GRIN2A: variants seen among roughly 807,000 people sequenced by gnomAD.
GRIN2A encodes the protein glutamate ionotropic receptor NMDA type subunit 2A.
Under a neutral mutation model 113.4 loss-of-function variants are expected in GRIN2A, and 22 were observed. The observed-to-expected ratio is 0.19, with a 90% CI of 0.14 to 0.28. The LOEUF is 0.28. Ranked by LOEUF, GRIN2A falls within the 10% of genes least tolerant of loss-of-function variation. GRIN2A has a pLI of 1.00. For missense variants in GRIN2A, 1,502 were observed against 1,887.0 expected (o/e 0.80, Z 3.78); for synonymous variants, 827 against 738.4 (o/e 1.12, Z -1.94).
chr16:10,136,394 G>C (rs1423009319), intron 2 of GRIN2A, among the ~76,000 whole-genome samples: 2 of 152,102 alleles, frequency 1.3e-5, no homozygotes, highest in African/African-American at 4.8e-5. Context: ...TTGCAACTAG[G>C]TGCTAATGAA....
intron 10 of GRIN2A, among the ~76,000 whole-genome samples, chr16:9,810,190 C>T (rs1041795117): frequency 5.9e-5 from 9 of 152,146 alleles, no homozygotes; most frequent in East Asian, 1.9e-4. Context: ...GGAGTTCACA[C>T]GCAAGAATCC....
intron 2 of GRIN2A, among the ~76,000 whole-genome samples, chr16:10,090,923 A>T (rs535153164): frequency 6.6e-6 from 1 of 152,206 alleles, no homozygotes; most frequent in Non-Finnish European, 1.5e-5. Flanking sequence ...ACACATGGCC[A>T]ATAAGAAATG....
At chr16:9,839,360 T>C (rs1016459944) in intron 7 of GRIN2A, among the ~76,000 whole-genome samples, 8 of 151,688 alleles carry the variant, frequency 5.3e-5, no homozygotes, top group Non-Finnish European at 1.0e-4. Context: ...ATAGAAAACA[T>C]AGCTCTTCCT....
intron 11 of GRIN2A, among the ~76,000 whole-genome samples, chr16:9,783,627 CA>C (rs1308060852): frequency 6.6e-6 from 1 of 152,122 alleles, no homozygotes; most frequent in Non-Finnish European, 1.5e-5. Flanking sequence ...TCACAATCAC[CA>C]AGGGCTCTGT....
chr16:9,919,888 G>T (rs969711267), intron 3 of GRIN2A, among the ~76,000 whole-genome samples: 2 of 152,094 alleles, frequency 1.3e-5, no homozygotes, highest in African/African-American at 4.8e-5. Flanking sequence ...AATCCAAAAC[G>T]CTCTTTCCTC....
chr16:9,768,533 C>G (rs1901059149), intron 12 of GRIN2A, among the ~76,000 whole-genome samples: 1 of 152,144 alleles, frequency 6.6e-6, no homozygotes. Flanking sequence ...AGGTAAACAT[C>G]ATGCAATTGG....
intron 2 of GRIN2A, among the ~76,000 whole-genome samples, chr16:10,049,957 T>C (rs1252767479): frequency 6.6e-6 from 1 of 152,172 alleles, no homozygotes; most frequent in Non-Finnish European, 1.5e-5. Flanking sequence ...ATCACTCCCA[T>C]ATTTATACTC....
intron 2 of GRIN2A, among the ~76,000 whole-genome samples, chr16:10,173,189 C>T (rs542730882): frequency 6.6e-6 from 1 of 152,298 alleles, no homozygotes; most frequent in Non-Finnish European, 1.5e-5. Context: ...GATAGGTCTC[C>T]CCACTCTCCC....
chr16:9,937,586 T>C (rs948149567), intron 3 of GRIN2A: 9 of 262,672 alleles, frequency 3.4e-5, no homozygotes, highest in African/African-American at 1.8e-4. Context: ...CATGATATCA[T>C]AGTGAAGAAT....
intron 11 of GRIN2A, among the ~76,000 whole-genome samples, chr16:9,772,732 C>T (rs1901347135): frequency 6.6e-6 from 1 of 152,072 alleles, no homozygotes; most frequent in Non-Finnish European, 1.5e-5. Context: ...TCATCAGATT[C>T]CCAGAACATC....
intron 3 of GRIN2A, among the ~76,000 whole-genome samples, chr16:9,911,614 T>C (rs1051170831): frequency 1.3e-5 from 2 of 152,140 alleles, no homozygotes; most frequent in African/African-American, 4.8e-5. Flanking sequence ...CTCATTAATA[T>C]TAGCCCATGA....
intron 2 of GRIN2A, among the ~76,000 whole-genome samples, chr16:9,996,787 T>C (rs1363091236): frequency 6.6e-6 from 1 of 152,168 alleles, no homozygotes; most frequent in Non-Finnish European, 1.5e-5. Flanking sequence ...TTCTCAATGA[T>C]GGAGAGATGA....
chr16:10,014,799 G>C (rs1410728106), intron 2 of GRIN2A, among the ~76,000 whole-genome samples: 1 of 152,188 alleles, frequency 6.6e-6, no homozygotes, highest in African/African-American at 2.4e-5. Context: ...TGAACAAAGA[G>C]ACTTATGCAG....
At chr16:9,891,645 C>G (rs1345997488) in intron 3 of GRIN2A, among the ~76,000 whole-genome samples, 1 of 152,054 alleles carries the variant, frequency 6.6e-6, no homozygotes, top group East Asian at 1.9e-4. Flanking sequence ...ACAAATGATA[C>G]AAGGGACGGG....
chr16:10,123,009 T>C (rs2048864067), intron 2 of GRIN2A, among the ~76,000 whole-genome samples: 1 of 152,184 alleles, frequency 6.6e-6, no homozygotes, highest in African/African-American at 2.4e-5. Flanking sequence ...AATAAAGAAC[T>C]AGAGCTGAAT....
chr16:10,018,403 C>T (rs2046649821), intron 2 of GRIN2A, among the ~76,000 whole-genome samples: 2 of 152,054 alleles, frequency 1.3e-5, no homozygotes, highest in African/African-American at 4.8e-5. Flanking sequence ...GGCAGCAATA[C>T]CACTGCAGTT....
intron 8 of GRIN2A, 100 bp downstream of exon 8, chr16:9,834,005 C>T: frequency 8.3e-7 from 1 of 1,199,226 alleles, no homozygotes; most frequent in Non-Finnish European, 1.2e-6. Flanking sequence ...GCGTGAGCCA[C>T]CATGCCTGGT....
Position 9,757,784 on chromosome 16 carries a change from C to T in GRIN2A, c.*5365G>A, listed in dbSNP as rs554155423. 20 of 220,326 alleles carry T rather than the reference C, an allele frequency of 9.1e-5. No homozygotes were observed. The South Asian group carries it at 3.7e-3, about 41-fold the overall frequency. 13.6% of individuals were successfully genotyped at this position (220,326 alleles called of 1,614,324 possible). A position where few individuals can be genotyped will look rare whatever the true frequency, so the allele number is the denominator to read the frequency against. On this transcript the variant is annotated 3_prime_UTR_variant, in exon 13 of 13. Coordinates refer to ENST00000330684, the MANE Select transcript of GRIN2A (RefSeq NM_001134407.3). ...CGGTCTCTGAGAAAAGTTTTCTCTTCTAGGAACTTTAAGACAGGGATTGTG... is the reference window on the plus strand; with the variant it reads ...CGGTCTCTGAGAAAAGTTTTCTCTTTTAGGAACTTTAAGACAGGGATTGTG...
At chr16:10,004,445 A>G (rs966687803) in intron 2 of GRIN2A, among the ~76,000 whole-genome samples, 9 of 152,130 alleles carry the variant, frequency 5.9e-5, no homozygotes, top group African/African-American at 2.2e-4. Flanking sequence ...ACAAATTACT[A>G]CAAACCAGGT....
Sources: gnomAD v4.1 joint callset for allele counts (sites outside exome capture counted in the v4.1 genomes callset) on GRCh38, gnomAD v4.1.1 for gene constraint, MANE v1.5 for transcripts, NCBI Gene and HGNC (gene_info 2026-07-23, HGNC 2026-07-21) for gene names.